LHFPL3: variants seen among roughly 807,000 people sequenced by gnomAD.
LHFPL3 encodes the protein LHFPL tetraspan subfamily member 3.
Under a neutral mutation model 19.3 loss-of-function variants are expected in LHFPL3, and 5 were observed. The ratio of observed to expected loss-of-function variants is 0.26; its 90% CI spans 0.14 to 0.54. The LOEUF (loss-of-function observed/expected upper bound fraction) is 0.54, where lower values mean the gene tolerates loss of function less well. Ranked by LOEUF, LHFPL3 falls within the 20% of genes least tolerant of loss-of-function variation. The pLI is 0.94. For synonymous variants in LHFPL3, 133 were observed against 126.2 expected, an observed-to-expected ratio of 1.05 and a Z score of -0.36; for missense variants, 249 against 307.4, an observed-to-expected ratio of 0.81 and a Z score of 1.42.
intron 1 of LHFPL3, among the ~76,000 whole-genome samples, chr7:104,372,978 T>C (rs1426917528): frequency 1.6e-5 from 2 of 128,180 alleles, no homozygotes; most frequent in Admixed American, 1.6e-4. Context: ...TTCCCAAAGT[T>C]TTCCTGAGAG....
At chr7:104,352,106 G>T (rs1225795764) in intron 1 of LHFPL3, among the ~76,000 whole-genome samples, 2 of 151,684 alleles carry the variant, frequency 1.3e-5, no homozygotes, top group Admixed American at 1.3e-4. Context: ...TGGAGGCTGT[G>T]GTGAGCTATG....
intron 1 of LHFPL3, among the ~76,000 whole-genome samples, chr7:104,418,973 A>G (rs1320621755): frequency 6.6e-6 from 1 of 152,252 alleles, no homozygotes; most frequent in African/African-American, 2.4e-5. Context: ...TTTATTGATA[A>G]GAAAACTGTA....
rs1791015933 is a variant in LHFPL3 at position 104,603,132 on chromosome 7, T to TCC, written c.446-133543_446-133542insCC. On this transcript the variant is annotated intron_variant, in intron 1 of 2. Transcript: ENST00000424859. ...TTTCTTTCTTTCTTTCTTTCTTTCT[T>TCC]TTTTCCCTTCCTTCCTTCCTTCCTT... Among the ~76,000 whole-genome samples the TCC allele has an allele frequency of 2.2e-3, 292 of 132,890 alleles. 1 individual carries two copies. Among genetic ancestry groups the TCC allele is most frequent in the African/African-American group, 7.9e-3 (272 of 34,438 alleles). The allele number at this position is 132,890 out of a possible 152,430, so 87.2% of individuals were successfully genotyped here. A position where few individuals can be genotyped will look rare whatever the true frequency, so the allele number is the denominator to read the frequency against.
intron 1 of LHFPL3, among the ~76,000 whole-genome samples, chr7:104,447,479 C>G (rs1792351217): frequency 6.6e-6 from 1 of 152,076 alleles, no homozygotes; most frequent in South Asian, 2.1e-4. Flanking sequence ...AGATATTTTC[C>G]ATGTAATTGG....
At chr7:104,570,515 C>T (rs1027171372) in intron 1 of LHFPL3, among the ~76,000 whole-genome samples, 11 of 152,130 alleles carry the variant, frequency 7.2e-5, no homozygotes, top group African/African-American at 2.7e-4. Context: ...TGTCATAACG[C>T]AAAAATAATG....
chr7:104,694,720 A>G (rs905120424), intron 1 of LHFPL3, among the ~76,000 whole-genome samples: 1 of 152,220 alleles, frequency 6.6e-6, no homozygotes, highest in Non-Finnish European at 1.5e-5. Context: ...ACAGGCAGTA[A>G]AAGAATTTAC....
chr7:104,549,572 A>T (rs1794631962), intron 1 of LHFPL3, among the ~76,000 whole-genome samples: 1 of 152,106 alleles, frequency 6.6e-6, no homozygotes, highest in South Asian at 2.1e-4. Context: ...CACAAGGGAC[A>T]TTTCTGTCAA....
At position 104,736,774 on chromosome 7, in the gene LHFPL3, G is replaced by A; in HGVS notation, c.545G>A (p.Gly182Glu). The change falls in exon 2 of 3, where the codon GGG becomes GAG. Residue 182 changes from glycine (G) to glutamate (E), a missense_variant. Physicochemically the swap from Gly to Glu is moderately conservative, Grantham distance 98 (BLOSUM62 -2). Coordinates refer to ENST00000424859, the MANE Select transcript of LHFPL3 (RefSeq NM_199000.3). ...CGEKTDKYTL[G>E]ACSVRWAYIL... ...GAAAAGACAGACAAGTACACTCTTG[G>A]GGCTTGCTCAGTCCGCTGGGCATAC... 2 of 1,613,664 alleles carry A rather than the reference G, an allele frequency of 1.2e-6. No homozygotes were observed. Among genetic ancestry groups the A allele is most frequent in the Non-Finnish European group, 8.5e-7 (1 of 1,179,822 alleles).
intron 1 of LHFPL3, among the ~76,000 whole-genome samples, chr7:104,431,159 C>A (rs377137079): frequency 9.3e-6 from 1 of 107,126 alleles, no homozygotes; most frequent in Non-Finnish European, 1.8e-5. Flanking sequence ...TTTGCTGTTT[C>A]TTTATTTCTC....
intron 1 of LHFPL3, among the ~76,000 whole-genome samples, chr7:104,430,410 A>G (rs1199614050): frequency 1.1e-3 from 31 of 29,400 alleles, no homozygotes; most frequent in Non-Finnish European, 1.3e-3. Flanking sequence ...ATATACATAT[A>G]TATATATACA....
At chr7:104,610,178 T>C (rs1190448326) in intron 1 of LHFPL3, among the ~76,000 whole-genome samples, 1 of 152,190 alleles carries the variant, frequency 6.6e-6, no homozygotes, top group Non-Finnish European at 1.5e-5. Context: ...GAATTCTGAA[T>C]TGTAATTAAA....
intron 1 of LHFPL3, among the ~76,000 whole-genome samples, chr7:104,384,801 A>G (rs1790903268): frequency 6.6e-6 from 1 of 151,252 alleles, no homozygotes; most frequent in Admixed American, 6.6e-5. Flanking sequence ...AAAAAAAAAA[A>G]AAAAAAAAAA....
intron 1 of LHFPL3, among the ~76,000 whole-genome samples, chr7:104,698,407 C>A (rs774032472): frequency 1.4e-4 from 21 of 152,006 alleles, no homozygotes; most frequent in Non-Finnish European, 2.8e-4. Flanking sequence ...GGGTTTCAGT[C>A]AAAGTTTAAA....
intron 1 of LHFPL3, among the ~76,000 whole-genome samples, chr7:104,498,502 T>TG (rs1239740429): frequency 2.0e-5 from 3 of 151,722 alleles, no homozygotes; most frequent in Non-Finnish European, 4.4e-5. Flanking sequence ...CAATGTTTTT[T>TG]TTTTTTTTTT....
chr7:104,810,048 T>G (rs1790436251), intron 2 of LHFPL3, among the ~76,000 whole-genome samples: 1 of 152,174 alleles, frequency 6.6e-6, no homozygotes, highest in Non-Finnish European at 1.5e-5. Context: ...ACAACTAAGC[T>G]AAAATCTGAA....
At chr7:104,600,858 G>A (rs998665691) in intron 1 of LHFPL3, among the ~76,000 whole-genome samples, 17 of 152,246 alleles carry the variant, frequency 1.1e-4, no homozygotes, top group South Asian at 4.2e-4. Context: ...TTGCATATTC[G>A]CATCAGCTAA....
intron 2 of LHFPL3, among the ~76,000 whole-genome samples, chr7:104,765,308 A>C (rs1794438906): frequency 6.6e-6 from 1 of 152,244 alleles, no homozygotes; most frequent in Non-Finnish European, 1.5e-5. Flanking sequence ...ATCTGAAGTA[A>C]GAATAGATAA....
chr7:104,606,712 T>C (rs760882734), intron 1 of LHFPL3, among the ~76,000 whole-genome samples: 6 of 152,164 alleles, frequency 3.9e-5, no homozygotes, highest in Non-Finnish European at 7.3e-5. Context: ...GATCGGTCCA[T>C]GTTGGAGAAC....
At chr7:104,553,203 AT>A (rs756555419) in intron 1 of LHFPL3, among the ~76,000 whole-genome samples, 6 of 152,122 alleles carry the variant, frequency 3.9e-5, no homozygotes, top group Non-Finnish European at 5.9e-5. Flanking sequence ...ATGTTTTGCA[AT>A]ATCCTTTCCC....
Sources: gnomAD v4.1 joint callset for allele counts (sites outside exome capture counted in the v4.1 genomes callset) on GRCh38, gnomAD v4.1.1 for gene constraint, MANE v1.5 for transcripts, NCBI Gene and HGNC (gene_info 2026-07-23, HGNC 2026-07-21) for gene names.